ITFG1: variants seen among roughly 807,000 people sequenced by gnomAD.
ITFG1 encodes the protein integrin alpha FG-GAP repeat containing 1, also known as T-cell immunomodulatory protein.
ITFG1 carries 34 observed loss-of-function variants against 81.8 expected under a neutral mutation model. The observed-to-expected ratio is 0.42, with a 90% CI of 0.32 to 0.55. ITFG1 has a LOEUF of 0.55. ITFG1 is among the 20% of genes least tolerant of loss of function. ITFG1 has a pLI of 0.17. For synonymous variants in ITFG1, 285 were observed against 270.6 expected (o/e 1.05, Z -0.52); for missense variants, 672 against 755.4 (o/e 0.89, Z 1.29).
intron 8 of ITFG1, among the ~76,000 whole-genome samples, chr16:47,336,299 G>A (rs990636296): frequency 6.6e-6 from 1 of 152,316 alleles, no homozygotes; most frequent in African/African-American, 2.4e-5. Context: ...CCAAGCAAAT[G>A]CTGAATCAAG....
intron 13 of ITFG1, among the ~76,000 whole-genome samples, chr16:47,221,830 G>T (rs1289264835): frequency 6.6e-6 from 1 of 152,184 alleles, no homozygotes; most frequent in South Asian, 2.1e-4. Flanking sequence ...TATGTGTCGA[G>T]AAATTTATCC....
chr16:47,428,747 TA>T (rs1055833019), intron 6 of ITFG1, 56 bp downstream of exon 6: 2 of 1,033,038 alleles, frequency 1.9e-6, no homozygotes, highest in African/African-American at 1.6e-5. Context: ...GTACAGTAAA[TA>T]AAATCCCATA....
Position 47,455,588 on chromosome 16 carries a change from G to C in ITFG1, c.282-1430C>G, listed in dbSNP as rs1969441316. ...ATTTGAGACCAGCCTGGCCAACATT[G>C]CAAAACCCTGTCACTATTAAAAATA... On this transcript the variant is annotated intron_variant, in intron 2 of 17. Transcript: ENST00000320640. Among the ~76,000 whole-genome samples the C allele has an allele frequency of 1.3e-5, 2 of 151,792 alleles. 1 individual carries two copies. Among genetic ancestry groups the C allele is most frequent in the South Asian group, 4.2e-4 (2 of 4,812 alleles).
chr16:47,325,348 A>G (rs1318478505), intron 8 of ITFG1, among the ~76,000 whole-genome samples: 1 of 152,240 alleles, frequency 6.6e-6, no homozygotes, highest in Non-Finnish European at 1.5e-5. Flanking sequence ...AATTTATAGC[A>G]CTAAATGCCC....
rs147806706 is a variant in ITFG1 at position 47,349,529 on chromosome 16, A to T, written c.802+16259T>A. Among the ~76,000 whole-genome samples the T allele has an allele frequency of 7.5e-3, 1,139 of 152,284 alleles. 19 individuals carry two copies. The highest frequency in any genetic ancestry group is 0.026 in the African/African-American group (1,080 of 41,542). ...AGCTAACTATCCTAAATATATATGC[A>T]CCCAATACAGGAGCACCCAGATTCA... is the stretch of plus-strand genomic sequence containing the variant. On this transcript the variant is annotated intron_variant, in intron 8 of 17. Transcript: ENST00000320640.
At chr16:47,269,578 G>A (rs919528068) in intron 10 of ITFG1, among the ~76,000 whole-genome samples, 2 of 146,146 alleles carry the variant, frequency 1.4e-5, no homozygotes, top group African/African-American at 2.5e-5. Context: ...GACAAAAGAT[G>A]CATAAGACCT....
intron 8 of ITFG1, chr16:47,365,515 A>G (rs1288667279): frequency 1.9e-5 from 6 of 323,400 alleles, no homozygotes; most frequent in East Asian, 1.0e-4. Flanking sequence ...GGAATTCTCT[A>G]GAAAAAGTCT....
intron 10 of ITFG1, among the ~76,000 whole-genome samples, chr16:47,285,384 A>C (rs1391725036): frequency 1.3e-5 from 2 of 152,164 alleles, no homozygotes; most frequent in African/African-American, 2.4e-5. Context: ...CTCTTCATCT[A>C]TATCTTTTAT....
At chr16:47,460,086 G>T (rs1014785621) in intron 1 of ITFG1, among the ~76,000 whole-genome samples, 1 of 152,190 alleles carries the variant, frequency 6.6e-6, no homozygotes, top group Non-Finnish European at 1.5e-5. Flanking sequence ...GATTGTCAAA[G>T]CAAAGAATTT....
At chr16:47,419,456 A>AAG (rs541344510) in intron 6 of ITFG1, among the ~76,000 whole-genome samples, 110 of 151,932 alleles carry the variant, frequency 7.2e-4, no homozygotes, top group African/African-American at 2.6e-3. Flanking sequence ...CTTTTTTGTA[A>AAG]AGACAGAGTT....
intron 6 of ITFG1, among the ~76,000 whole-genome samples, chr16:47,376,900 C>A (rs920849822): frequency 8.2e-6 from 1 of 122,532 alleles, no homozygotes; most frequent in Non-Finnish European, 1.6e-5. Flanking sequence ...ACCCAGGAGG[C>A]GGAGGTTGCA....
chr16:47,340,257 A>C (rs181844331), intron 8 of ITFG1, among the ~76,000 whole-genome samples: 3 of 152,340 alleles, frequency 2.0e-5, no homozygotes, highest in Admixed American at 2.0e-4. Context: ...TACCTGGGCA[A>C]GTATAAAAGC....
intron 17 of ITFG1, among the ~76,000 whole-genome samples, chr16:47,156,957 G>GGAATGGAAAGGGGAGA (rs919718109): frequency 1.3e-5 from 2 of 152,168 alleles, no homozygotes; most frequent in Non-Finnish European, 2.9e-5. Flanking sequence ...TGTGCTAAAT[G>GGAATGGAAAGGGGAGA]GAATGGAAAG....
At chr16:47,246,628 G>A (rs899132073) in intron 12 of ITFG1, among the ~76,000 whole-genome samples, 6 of 152,164 alleles carry the variant, frequency 3.9e-5, no homozygotes, top group Non-Finnish European at 8.8e-5. Flanking sequence ...CAGCAGGTGA[G>A]GCTGACTCAG....
chr16:47,219,407 A>G (rs1309172925), intron 13 of ITFG1, among the ~76,000 whole-genome samples: 1 of 152,184 alleles, frequency 6.6e-6, no homozygotes, highest in African/African-American at 2.4e-5. Context: ...CATTTAGAGA[A>G]TACATTATTT....
Position 47,162,758 on chromosome 16 carries a change from C to T in ITFG1, c.1454-94G>A. On this transcript the variant is annotated intron_variant, in intron 14 of 17. Transcript: ENST00000320640. ...TGATAAAATGTTAAAAATTTAGGTA[C>T]TGGAATGTATCACGTTTCAAAATGT... 4 of 1,059,380 alleles carry T rather than the reference C, an allele frequency of 3.8e-6. No homozygotes were observed. The South Asian group carries it at 5.0e-5, about 13-fold the overall frequency. The allele number at this position is 1,059,380 out of a possible 1,614,324, so 65.6% of individuals were successfully genotyped here.
chr16:47,189,778 T>C (rs1965270360), intron 14 of ITFG1, among the ~76,000 whole-genome samples: 2 of 152,238 alleles, frequency 1.3e-5, no homozygotes, highest in East Asian at 1.9e-4. Flanking sequence ...ACTGAGTAGT[T>C]TGATTTTGTT....
chr16:47,333,143 C>T (rs1211688664), intron 8 of ITFG1, among the ~76,000 whole-genome samples: 3 of 151,684 alleles, frequency 2.0e-5, no homozygotes, highest in Non-Finnish European at 4.4e-5. Flanking sequence ...ATTGATAATT[C>T]CTGAATATCT....
chr16:47,398,004 G>A (rs536659583), intron 6 of ITFG1, among the ~76,000 whole-genome samples: 10 of 152,176 alleles, frequency 6.6e-5, no homozygotes, highest in South Asian at 4.1e-4. Context: ...GCACTCTCAA[G>A]TATGTATTTA....
Sources: allele counts gnomAD v4.1 joint callset (sites outside exome capture counted in the v4.1 genomes callset), GRCh38; gene constraint gnomAD v4.1.1; transcripts MANE v1.5; gene names NCBI Gene and HGNC (gene_info 2026-07-23, HGNC 2026-07-21).